The following SAMSN1 variants were observed in gnomAD, a reference collection of about 807,000 sequenced individuals.
The protein encoded by SAMSN1 is SAM domain-containing protein SAMSN-1.
In SAMSN1, 31 loss-of-function variants were observed where a neutral mutation model predicts 42.0. The ratio of observed to expected loss-of-function variants is 0.74; its 90% CI spans 0.55 to 1.00. The LOEUF (loss-of-function observed/expected upper bound fraction) is 1.00, where lower values mean the gene tolerates loss of function less well. SAMSN1 is among the 50% of genes least tolerant of loss of function. The probability of loss-of-function intolerance (pLI) is 0.00; values close to 1 mark genes in which losing one functional copy is unlikely to be tolerated. For synonymous variants in SAMSN1, 178 were observed against 151.9 expected (o/e 1.17, Z -1.26); for missense variants, 464 against 439.4 (o/e 1.06, Z -0.50).
chr21:14,531,203 G>C (rs1979248062), intron 1 of SAMSN1, among the ~76,000 whole-genome samples: 1 of 152,138 alleles, frequency 6.6e-6, no homozygotes, highest in South Asian at 2.1e-4. Context: ...GATCTCAATA[G>C]ACCTTACTAC....
chr21:14,545,103 T>C (rs1980301976), intron 1 of SAMSN1, among the ~76,000 whole-genome samples: 1 of 152,168 alleles, frequency 6.6e-6, no homozygotes, highest in South Asian at 2.1e-4. Flanking sequence ...TGTCTATCCA[T>C]TATTATGCAT....
upstream of SAMSN1, among the ~76,000 whole-genome samples, chr21:14,587,155 G>C (rs1267815788): frequency 1.3e-5 from 2 of 152,072 alleles, no homozygotes; most frequent in Non-Finnish European, 2.9e-5. Flanking sequence ...ATTCAAATGT[G>C]CTTCATGTTA....
At chr21:14,558,507 C>T (rs1980836100) in intron 2 of SAMSN1, among the ~76,000 whole-genome samples, 1 of 151,574 alleles carries the variant, frequency 6.6e-6, no homozygotes. Context: ...GGGGAAACAC[C>T]ATCTTTACTA....
chr21:14,637,779 T>C (rs1321587203), intron 2 of SAMSN1, among the ~76,000 whole-genome samples: 1 of 152,230 alleles, frequency 6.6e-6, no homozygotes, highest in Non-Finnish European at 1.5e-5. Flanking sequence ...GGGGTTGTTA[T>C]ATCCAACTCA....
chr21:14,569,342 ATTCTC>A (rs1981218471), intron 2 of SAMSN1, among the ~76,000 whole-genome samples: 3 of 152,144 alleles, frequency 2.0e-5, no homozygotes, highest in Non-Finnish European at 4.4e-5. Flanking sequence ...TGAAAAGATA[ATTCTC>A]TTCCACATTA....
chr21:14,565,940 T>G (rs1463615958), intron 2 of SAMSN1, among the ~76,000 whole-genome samples: 1 of 152,218 alleles, frequency 6.6e-6, no homozygotes, highest in Non-Finnish European at 1.5e-5. Context: ...CAATGGGACG[T>G]ATGTCTTGAC....
intron 2 of SAMSN1, among the ~76,000 whole-genome samples, chr21:14,634,409 C>T (rs548781897): frequency 1.3e-5 from 2 of 152,150 alleles, no homozygotes; most frequent in South Asian, 2.1e-4. Flanking sequence ...TTTTTGCAAT[C>T]TACCATGTGA....
chr21:14,582,668 A>T (rs1390763395), intron 1 of SAMSN1, among the ~76,000 whole-genome samples: 3 of 152,170 alleles, frequency 2.0e-5, no homozygotes, highest in South Asian at 2.1e-4. Flanking sequence ...GCTATATAAA[A>T]TTTTTTGTTT....
At chr21:14,516,342 ATGT>A (rs1458856577) in intron 3 of SAMSN1, among the ~76,000 whole-genome samples, 3 of 152,138 alleles carry the variant, frequency 2.0e-5, no homozygotes, top group African/African-American at 4.8e-5. Flanking sequence ...AATTAATGAC[ATGT>A]TGTTCTTCAC....
upstream of SAMSN1, among the ~76,000 whole-genome samples, chr21:14,549,130 G>A (rs932604804): frequency 2.0e-5 from 3 of 152,116 alleles, no homozygotes; most frequent in Non-Finnish European, 2.9e-5. Flanking sequence ...AGCCATAAAA[G>A]GATTGGTTCA....
chr21:14,512,404 C>G lies in SAMSN1; in HGVS notation c.409+40G>C, dbSNP rs796460513. 3 of 1,606,240 alleles carry G rather than the reference C, an allele frequency of 1.9e-6. No individual in the cohort carries two copies. The African/African-American group carries it at 4.0e-5, about 21-fold the overall frequency. On this transcript the variant is annotated intron_variant, in intron 4 of 7. Coordinates refer to ENST00000400566, the MANE Select transcript of SAMSN1 (RefSeq NM_022136.5). ...TGTTTTTTAATTAATTTAACCCAGA[C>G]CTCACACCCAGGATCTTGTCCCTGA...
At chr21:14,606,215 T>G (rs1172927181) in intron 5 of SAMSN1, among the ~76,000 whole-genome samples, 3 of 152,232 alleles carry the variant, frequency 2.0e-5, no homozygotes, top group African/African-American at 4.8e-5. Flanking sequence ...AACATTGTTT[T>G]CTGACTTTGT....
intron 1 of SAMSN1, among the ~76,000 whole-genome samples, chr21:14,655,496 T>C (rs1300596470): frequency 6.6e-6 from 1 of 151,732 alleles, no homozygotes; most frequent in Non-Finnish European, 1.5e-5. Context: ...GACCAATTAG[T>C]GTTTAATATA....
intron 7 of SAMSN1, among the ~76,000 whole-genome samples, chr21:14,487,717 A>C (rs1986498253): frequency 6.6e-6 from 1 of 152,174 alleles, no homozygotes; most frequent in Admixed American, 6.6e-5. Context: ...TTGTATTTGC[A>C]ACAGTGAAAC....
At chr21:14,530,763 G>A (rs1354067513) in intron 1 of SAMSN1, among the ~76,000 whole-genome samples, 2 of 152,140 alleles carry the variant, frequency 1.3e-5, no homozygotes, top group African/African-American at 4.8e-5. Flanking sequence ...GATAGTGGGT[G>A]TTTAGGGGAA....
chr21:14,560,459 G>C (rs1437337442), intron 2 of SAMSN1, among the ~76,000 whole-genome samples: 2 of 152,114 alleles, frequency 1.3e-5, no homozygotes, highest in East Asian at 1.9e-4. Flanking sequence ...TTAGAGCAAA[G>C]ATTAAACTTC....
chr21:14,545,567 A>G (rs540000650), intron 1 of SAMSN1, among the ~76,000 whole-genome samples: 3 of 152,214 alleles, frequency 2.0e-5, no homozygotes, highest in Non-Finnish European at 2.9e-5. Flanking sequence ...ACTTATTGCC[A>G]AGACAAAGAA....
exon 2 of SAMSN1, chr21:14,582,257 G>T (rs753680444): frequency 4.5e-6 from 7 of 1,550,724 alleles, no homozygotes; most frequent in African/African-American, 1.4e-5. Flanking sequence ...TGTCCAGAGA[G>T]GGTTTTCAGG....
upstream of SAMSN1, among the ~76,000 whole-genome samples, chr21:14,547,505 G>A (rs1600923217): frequency 6.6e-6 from 1 of 152,268 alleles, no homozygotes; most frequent in South Asian, 2.1e-4. Flanking sequence ...AGGGAGATTT[G>A]CAAAATATAT....
Sources: allele counts gnomAD v4.1 joint callset (sites outside exome capture counted in the v4.1 genomes callset), GRCh38; gene constraint gnomAD v4.1.1; transcripts MANE v1.5; gene names NCBI Gene and HGNC (gene_info 2026-07-23, HGNC 2026-07-21).